CAMK2A: variants seen among roughly 807,000 people sequenced by gnomAD.
CAMK2A encodes calcium/calmodulin dependent protein kinase II alpha, also known as calcium/calmodulin-dependent protein kinase type II subunit alpha.
In CAMK2A, 7 loss-of-function variants were observed where a neutral mutation model predicts 79.2. The observed-to-expected ratio is 0.09, with a 90% CI of 0.05 to 0.17. The LOEUF is 0.17. CAMK2A is among the 10% of genes least tolerant of loss of function. The pLI, the probability that CAMK2A is intolerant of heterozygous loss-of-function variation, is 1.00. For missense variants in CAMK2A, 214 were observed against 646.4 expected, an observed-to-expected ratio of 0.33 and a Z score of 7.25; for synonymous variants, 242 against 251.7, an observed-to-expected ratio of 0.96 and a Z score of 0.36.
chr5:150,249,513 C>T (rs562766366), intron 11 of CAMK2A, among the ~76,000 whole-genome samples: 21 of 152,050 alleles, frequency 1.4e-4, no homozygotes, highest in Non-Finnish European at 2.5e-4. Context: ...TCTGCACAGG[C>T]TGCTTCCTCT....
At chr5:150,228,961 T>G (rs530913589) in intron 16 of CAMK2A, among the ~76,000 whole-genome samples, 63 of 152,236 alleles carry the variant, frequency 4.1e-4, no homozygotes, top group South Asian at 3.7e-3. Context: ...CAGGTCTTAG[T>G]CTTCTCGGAG....
rs1270133955 is a variant in CAMK2A, at chr5:150,256,884, C to T, written c.273-53G>A. The T allele has an allele frequency of 5.4e-6, 8 of 1,482,658 alleles. No individual in the cohort carries two copies. In the East Asian group the frequency reaches 1.9e-4, roughly 35 times the overall value. The allele number at this position is 1,482,658 out of a possible 1,614,324, so 91.8% of individuals were successfully genotyped here. ...CTAATAGAGGCGACAGGTGCTGCCTCATCTGGAGGAGTCTCCAGGAAACTA... is the reference window on the plus strand; with the variant it reads ...CTAATAGAGGCGACAGGTGCTGCCTTATCTGGAGGAGTCTCCAGGAAACTA... On this transcript the variant is annotated intron_variant, in intron 4 of 18. Coordinates refer to ENST00000671881, the MANE Select transcript of CAMK2A (RefSeq NM_015981.4). This position sits in a 1 kb window ranked among gnomAD's most constrained non-coding sequence, Gnocchi z 4.6.
intron 15 of CAMK2A, among the ~76,000 whole-genome samples, chr5:150,237,833 T>C (rs951994332): frequency 6.6e-6 from 1 of 152,148 alleles, no homozygotes; most frequent in African/African-American, 2.4e-5. Flanking sequence ...ACTATTTTTG[T>C]TTTATCCTTA....
chr5:150,251,484 T>C (rs544832157), intron 9 of CAMK2A, among the ~76,000 whole-genome samples: 1 of 152,340 alleles, frequency 6.6e-6, no homozygotes, highest in South Asian at 2.1e-4. Flanking sequence ...TATTATTATT[T>C]GTATATATGA....
chr5:150,222,538 C>T lies in CAMK2A; in HGVS notation c.*172G>A, dbSNP rs965877449. On this transcript the variant is annotated 3_prime_UTR_variant, in exon 19 of 19. Transcript: ENST00000671881. Reference sequence around the variant, plus strand: ...GATGTGGCCGTTCGCTCTGAAGTTGCGATGACTTTTGTGAACAAGCAGGTT... The same window carrying T: ...GATGTGGCCGTTCGCTCTGAAGTTGTGATGACTTTTGTGAACAAGCAGGTT... 2.6e-6 allele frequency: 2 copies of T among 756,422 alleles called. No homozygotes were observed. The highest frequency in any genetic ancestry group is 2.3e-6 in the Non-Finnish European group (1 of 430,870). The allele number at this position is 756,422 out of a possible 1,614,324, so 46.9% of individuals were successfully genotyped here. A position where few individuals can be genotyped will look rare whatever the true frequency, so the allele number is the denominator to read the frequency against.
intron 1 of CAMK2A, among the ~76,000 whole-genome samples, chr5:150,277,804 A>G (rs34087853): frequency 0.29 from 44,747 of 152,066 alleles, 6,957 homozygotes; most frequent in East Asian, 0.44. Context: ...CCCTTCAAAT[A>G]TACATTCACC....
chr5:150,262,592 T>G (rs1225984809), intron 3 of CAMK2A, among the ~76,000 whole-genome samples: 1 of 151,906 alleles, frequency 6.6e-6, no homozygotes, highest in East Asian at 1.9e-4. Flanking sequence ...TGGCATGGGG[T>G]GGGTCTACGA....
chr5:150,225,349 G>A (rs373431191), intron 17 of CAMK2A, among the ~76,000 whole-genome samples: 3 of 152,108 alleles, frequency 2.0e-5, no homozygotes, highest in Admixed American at 6.5e-5. Context: ...CCAAGTCCCC[G>A]ACAGGAAAAA....
chr5:150,233,184 C>T (rs1754918741), intron 15 of CAMK2A, among the ~76,000 whole-genome samples: 1 of 152,216 alleles, frequency 6.6e-6, no homozygotes, highest in Non-Finnish European at 1.5e-5. Context: ...AGGCCATGTG[C>T]TATGTGCTTA....
chr5:150,280,331 G>A (rs1186177033), intron 1 of CAMK2A, among the ~76,000 whole-genome samples: 1 of 151,996 alleles, frequency 6.6e-6, no homozygotes, highest in Non-Finnish European at 1.5e-5. Flanking sequence ...GGCCCCTTAC[G>A]GTAGTCTTTA....
Position 150,250,286 on chromosome 5 carries a change from G to A in CAMK2A, c.840C>T (p.Cys280=). 1.9e-6 allele frequency: 3 copies of A among 1,614,004 alleles called. No individual in the cohort carries two copies. The highest frequency in any genetic ancestry group is 2.5e-6 in the Non-Finnish European group (3 of 1,179,940). ...WISHRSTVAS[C]MHRQETVDCL... ...AGTCCACGGTCTCCTGTCTGTGCAT[G>A]CAGGATGCCACGGTGGAGCGGTGCT... The change falls in exon 11 of 19, where the codon TGC becomes TGT. Residue 280 remains cysteine, a synonymous_variant. Transcript: ENST00000671881.
chr5:150,280,835 C>G (rs1488794616), intron 1 of CAMK2A, among the ~76,000 whole-genome samples: 1 of 152,218 alleles, frequency 6.6e-6, no homozygotes, highest in Admixed American at 6.5e-5. Flanking sequence ...TATTGCTGCT[C>G]CCGGCCTCTT....
Position 150,223,281 on chromosome 5 carries a change from A to T in CAMK2A, c.1238-64T>A, listed in dbSNP as rs1357643692. The T allele has an allele frequency of 7.6e-7, 1 of 1,308,554 alleles. No individual in the cohort carries two copies. The highest frequency in any genetic ancestry group is 1.1e-6 in the Non-Finnish European group (1 of 929,122). 81.1% of individuals were successfully genotyped at this position (1,308,554 alleles called of 1,614,324 possible). A position where few individuals can be genotyped will look rare whatever the true frequency, so the allele number is the denominator to read the frequency against. Reference sequence around the variant, plus strand: ...GGGGGCCTCCTGTCTCACTTTCTTCACTTTCTCCACTCCCAGCAGCCCTCT... The same window carrying T: ...GGGGGCCTCCTGTCTCACTTTCTTCTCTTTCTCCACTCCCAGCAGCCCTCT... On this transcript the variant is annotated intron_variant, in intron 17 of 18. Transcript: ENST00000671881. This position sits in a 1 kb window ranked among gnomAD's most constrained non-coding sequence, Gnocchi z 4.1.
At chr5:150,286,962 T>C (rs1470849581) in intron 1 of CAMK2A, among the ~76,000 whole-genome samples, 2 of 152,222 alleles carry the variant, frequency 1.3e-5, no homozygotes, top group African/African-American at 2.4e-5. Context: ...CACAGCCCTT[T>C]TTATCTCCAG....
chr5:150,245,134 C>T, intron 13 of CAMK2A, 27 bp downstream of exon 13: 1 of 1,612,196 alleles, frequency 6.2e-7, no homozygotes, highest in Non-Finnish European at 8.5e-7. Context: ...CAGAGCCAAG[C>T]CCTGCCAGGC....
At chr5:150,231,153 G>T in intron 16 of CAMK2A, 152 bp downstream of exon 16, 1 of 441,694 alleles carries the variant, frequency 2.3e-6, no homozygotes. Context: ...CATCAAGTCC[G>T]GATGCAAAAT....
At chr5:150,254,661 G>A (rs762844431) in intron 6 of CAMK2A, among the ~76,000 whole-genome samples, 47 of 152,158 alleles carry the variant, frequency 3.1e-4, no homozygotes, top group Non-Finnish European at 5.3e-4. Flanking sequence ...ATGGAGGGGC[G>A]CTAAGACTGT....
At position 150,256,545 on chromosome 5, in the gene CAMK2A, T is replaced by G; in HGVS notation, c.411+28A>C. On this transcript the variant is annotated intron_variant, in intron 6 of 18. Transcript: ENST00000671881. The surrounding 1 kb of genome is among the most constrained non-coding windows in gnomAD (Gnocchi z 4.6). The stretch of plus-strand genomic sequence containing the variant: ...GCAGAGGAGAGAGGGGCTCCCGGGG[T>G]GAGCCACACCCACGGTGGGTTGCTC... The G allele has an allele frequency of 1.9e-6, 3 of 1,572,472 alleles. No individual in the cohort carries two copies. The highest frequency in any genetic ancestry group is 2.6e-6 in the Non-Finnish European group (3 of 1,144,466).
At chr5:150,288,869 C>T (rs1187465084) in intron 1 of CAMK2A, among the ~76,000 whole-genome samples, 1 of 152,190 alleles carries the variant, frequency 6.6e-6, no homozygotes, top group Non-Finnish European at 1.5e-5. Flanking sequence ...GGCTGGGCAA[C>T]TTTGCTTGTC....
Sources: gnomAD v4.1 joint callset for allele counts (sites outside exome capture counted in the v4.1 genomes callset) on GRCh38, gnomAD v4.1.1 for gene constraint, Gnocchi (gnomAD v3.1) non-coding constraint, MANE v1.5 for transcripts, NCBI Gene and HGNC (gene_info 2026-07-23, HGNC 2026-07-21) for gene names.